Variants in PARD3 observed in about 807,000 individuals in gnomAD.
The protein encoded by PARD3 is par-3 family cell polarity regulator.
Under a neutral mutation model 155.4 loss-of-function variants are expected in PARD3, and 75 were observed. The observed-to-expected ratio is 0.48, with a 90% CI of 0.40 to 0.58. PARD3 has a LOEUF of 0.58. PARD3 is among the 20% of genes least tolerant of loss of function. PARD3 has a pLI of 0.00. For synonymous variants in PARD3, 576 were observed against 610.5 expected (o/e 0.94, Z 0.83); for missense variants, 1,642 against 1,721.7 (o/e 0.95, Z 0.82).
intron 2 of PARD3, among the ~76,000 whole-genome samples, chr10:34,622,901 T>C (rs2091773258): frequency 1.3e-5 from 2 of 149,698 alleles, no homozygotes; most frequent in Non-Finnish European, 3.0e-5. Flanking sequence ...CCTGAAGTAA[T>C]CACTATGAAG....
At chr10:34,316,516 T>C (rs1237474538) in intron 20 of PARD3, among the ~76,000 whole-genome samples, 1 of 152,234 alleles carries the variant, frequency 6.6e-6, no homozygotes, top group Non-Finnish European at 1.5e-5. Flanking sequence ...CGCAGCTTAA[T>C]TGAAGCTCTA....
At chr10:34,465,098 A>C (rs899024428) in intron 4 of PARD3, among the ~76,000 whole-genome samples, 2 of 152,214 alleles carry the variant, frequency 1.3e-5, no homozygotes, top group Admixed American at 6.6e-5. Flanking sequence ...AATAGTTGTT[A>C]TTCTGCATTA....
At chr10:34,494,116 T>C (rs759405679) in intron 3 of PARD3, among the ~76,000 whole-genome samples, 1 of 152,202 alleles carries the variant, frequency 6.6e-6, no homozygotes. Flanking sequence ...TACTCTCCCG[T>C]AGTCACCAAA....
At chr10:34,610,906 G>T (rs1337052025) in intron 2 of PARD3, among the ~76,000 whole-genome samples, 5 of 152,034 alleles carry the variant, frequency 3.3e-5, no homozygotes, top group African/African-American at 7.2e-5. Flanking sequence ...GGGGAGAGGT[G>T]GGGGGGAGTT....
chr10:34,361,803 C>T (rs569982161), intron 12 of PARD3, among the ~76,000 whole-genome samples: 11 of 151,804 alleles, frequency 7.2e-5, no homozygotes, highest in African/African-American at 2.2e-4. Flanking sequence ...ACAAGTAACA[C>T]TTCAATTACA....
chr10:34,460,419 C>T (rs1243215475), intron 4 of PARD3, among the ~76,000 whole-genome samples: 2 of 152,166 alleles, frequency 1.3e-5, no homozygotes, highest in Non-Finnish European at 2.9e-5. Context: ...GAATTCAGCA[C>T]ATTTATATCA....
At chr10:34,498,053 T>C (rs1433092942) in intron 3 of PARD3, among the ~76,000 whole-genome samples, 1 of 152,172 alleles carries the variant, frequency 6.6e-6, no homozygotes. Flanking sequence ...TATTTTGATT[T>C]CCATAAGATA....
intron 2 of PARD3, among the ~76,000 whole-genome samples, chr10:34,595,579 C>G (rs867835915): frequency 5.1e-4 from 78 of 152,266 alleles, no homozygotes; most frequent in African/African-American, 1.6e-3. Flanking sequence ...TCTTTTCAGT[C>G]AGTCCCATCT....
chr10:34,188,672 G>T (rs1006636659), intron 22 of PARD3, among the ~76,000 whole-genome samples: 3 of 151,964 alleles, frequency 2.0e-5, no homozygotes, highest in African/African-American at 7.3e-5. Context: ...GATTTGGAAT[G>T]AAAACATCAC....
At chr10:34,503,538 T>C (rs933554604) in intron 3 of PARD3, among the ~76,000 whole-genome samples, 2 of 152,222 alleles carry the variant, frequency 1.3e-5, no homozygotes, top group African/African-American at 2.4e-5. Context: ...ATATATGTAT[T>C]TGTATATACA....
Position 34,450,428 on chromosome 10 carries a change from G to A in PARD3, c.603C>T (p.Ser201=), listed in dbSNP as rs758053871. The change falls in exon 5 of 25, where the codon AGC becomes AGT. Residue 201 remains serine (S), a synonymous_variant. Transcript: ENST00000374788. ...CDRKKDENYR[S]LPRDTSNWSN... ...ACCAGTTACTAGTATCCCGCGGGAG[G>A]CTTCTGTAGTTTTCATCTTTCTATT... 6.2e-6 allele frequency: 10 copies of A among 1,610,670 alleles called. No homozygotes were observed. The South Asian group carries it at 1.1e-4, about 18-fold the overall frequency.
intron 22 of PARD3, among the ~76,000 whole-genome samples, chr10:34,177,826 TC>T (rs1028795810): frequency 6.6e-6 from 1 of 152,042 alleles, no homozygotes; most frequent in Non-Finnish European, 1.5e-5. Flanking sequence ...AAAGTGGGGG[TC>T]CTCGCTTTCC....
At chr10:34,398,587 A>C (rs1843579946) in intron 7 of PARD3, among the ~76,000 whole-genome samples, 1 of 152,238 alleles carries the variant, frequency 6.6e-6, no homozygotes, top group Non-Finnish European at 1.5e-5. Context: ...GTTCAGACTC[A>C]TGGGAAAGGA....
chr10:34,248,866 TAGAA>T (rs1954122517), intron 22 of PARD3, among the ~76,000 whole-genome samples: 1 of 152,198 alleles, frequency 6.6e-6, no homozygotes, highest in Non-Finnish European at 1.5e-5. Flanking sequence ...CACAAAGTGT[TAGAA>T]AGCACTATCA....
At chr10:34,449,466 G>C (rs1214353622) in intron 5 of PARD3, among the ~76,000 whole-genome samples, 1 of 129,134 alleles carries the variant, frequency 7.7e-6, no homozygotes, top group East Asian at 2.6e-4. Context: ...TGGGGGGAGG[G>C]GGGAGGGAAA....
chr10:34,753,604 T>C (rs756637186), intron 1 of PARD3, among the ~76,000 whole-genome samples: 1 of 152,218 alleles, frequency 6.6e-6, no homozygotes, highest in Non-Finnish European at 1.5e-5. Context: ...AATAAATATT[T>C]AGCCTACTTA....
intron 12 of PARD3, among the ~76,000 whole-genome samples, chr10:34,365,529 T>C (rs1335992528): frequency 1.3e-5 from 2 of 152,218 alleles, no homozygotes; most frequent in African/African-American, 4.8e-5. Context: ...TTAACAATAA[T>C]AGGATATGTG....
intron 5 of PARD3, among the ~76,000 whole-genome samples, chr10:34,445,799 A>G (rs1271511259): frequency 4.6e-5 from 7 of 151,934 alleles, no homozygotes; most frequent in Non-Finnish European, 7.4e-5. Flanking sequence ...AAAAAAAAAA[A>G]AGTCCTATTT....
At chr10:34,190,975 T>C (rs951262006) in intron 22 of PARD3, among the ~76,000 whole-genome samples, 1 of 151,856 alleles carries the variant, frequency 6.6e-6, no homozygotes, top group Non-Finnish European at 1.5e-5. Context: ...ATGAGTGCAA[T>C]GTTAGATAGA....
Sources: gnomAD v4.1 joint callset for allele counts (sites outside exome capture counted in the v4.1 genomes callset) on GRCh38, gnomAD v4.1.1 for gene constraint, MANE v1.5 for transcripts, NCBI Gene and HGNC (gene_info 2026-07-23, HGNC 2026-07-21) for gene names.